The following KLF7 variants were observed in gnomAD, a reference collection of about 807,000 sequenced individuals.
KLF7 encodes Krueppel-like factor 7.
KLF7 carries 2 observed loss-of-function variants against 27.3 expected under a neutral mutation model. The ratio of observed to expected loss-of-function variants is 0.07; its 90% CI spans 0.03 to 0.23. The LOEUF (loss-of-function observed/expected upper bound fraction) is 0.23, where lower values mean the gene tolerates loss of function less well. Among genes scored for constraint, KLF7 ranks in the 10% least tolerant of loss-of-function variants. The pLI, the probability that KLF7 is intolerant of heterozygous loss-of-function variation, is 1.00. For synonymous variants in KLF7, 165 were observed against 162.4 expected (o/e 1.02, Z -0.12); for missense variants, 221 against 394.1 (o/e 0.56, Z 3.72).
At chr2:207,150,997 T>TAAAAAAAAAAA (rs34218929) in intron 1 of KLF7, among the ~76,000 whole-genome samples, 3 of 90,334 alleles carry the variant, frequency 3.3e-5, no homozygotes, top group African/African-American at 8.6e-5. Flanking sequence ...TTCTCTTTAT[T>TAAAAAAAAAAA]AAAAAAAAAA....
chr2:207,143,055 G>A (rs995641127), intron 1 of KLF7, among the ~76,000 whole-genome samples: 7 of 152,228 alleles, frequency 4.6e-5, no homozygotes, highest in Admixed American at 4.6e-4. Flanking sequence ...ATCATTCAAG[G>A]CATTTTCTTT....
chr2:207,169,423 A>C (rs1349093060), upstream of KLF7, among the ~76,000 whole-genome samples: 1 of 152,134 alleles, frequency 6.6e-6, no homozygotes, highest in Non-Finnish European at 1.5e-5. Flanking sequence ...TGTGATTAGT[A>C]CTCCTCAAAG....
At chr2:207,111,525 C>T (rs540439008) in intron 2 of KLF7, among the ~76,000 whole-genome samples, 112 of 152,298 alleles carry the variant, frequency 7.4e-4, no homozygotes, top group African/African-American at 2.4e-3. Flanking sequence ...CCATCAGATT[C>T]GTCCTTTCCA....
Position 207,086,688 on chromosome 2 carries a change from T to C in KLF7, c.857+1770A>G, listed in dbSNP as rs537462519. ...GATTAAATCCAAATACATCAACTGC[T>C]GGAAGGTTGTAAATCAATAAGTCAG... On this transcript the variant is annotated intron_variant, in intron 3 of 3. Transcript: ENST00000309446. 4.5e-4 allele frequency among the ~76,000 whole-genome samples: 69 copies of C among 152,374 alleles called. 1 individual carries two copies. The highest frequency in any genetic ancestry group is 1.6e-3 in the African/African-American group (67 of 41,580).
At chr2:207,084,657 T>C in intron 3 of KLF7, among the ~76,000 whole-genome samples, 1 of 152,214 alleles carries the variant, frequency 6.6e-6, no homozygotes, top group East Asian at 1.9e-4. Context: ...TAATTTATAC[T>C]TACTGAATTC....
chr2:207,099,537 T>C (rs2076707498), intron 2 of KLF7, among the ~76,000 whole-genome samples: 1 of 136,614 alleles, frequency 7.3e-6, no homozygotes. Flanking sequence ...AAGTTAACTT[T>C]CTGCTACATA....
intron 1 of KLF7, among the ~76,000 whole-genome samples, chr2:207,152,456 G>C (rs2078272808): frequency 6.6e-6 from 1 of 152,164 alleles, no homozygotes; most frequent in African/African-American, 2.4e-5. Context: ...CTTAGACCAA[G>C]AGGCTGCATG....
At chr2:207,140,296 T>C (rs1412944519) in intron 1 of KLF7, among the ~76,000 whole-genome samples, 1 of 152,174 alleles carries the variant, frequency 6.6e-6, no homozygotes, top group East Asian at 1.9e-4. Context: ...TTATATAATT[T>C]TTAAAGGGGG....
In KLF7 at chr2:207,077,171, GTT is replaced by G. The variant is rs2076190045; in HGVS notation, c.*4040_*4041del. ...TTGAACCATCAAAACGAGTCACTGG[GTT>G]TTGTTCTTGCAACTTGAGTTTCTTT... On this transcript the variant is annotated 3_prime_UTR_variant, in exon 4 of 4. Coordinates refer to ENST00000309446, the MANE Select transcript of KLF7 (RefSeq NM_003709.4). 6.6e-6 allele frequency: 1 copy of G among 152,144 alleles called. No individual in the cohort carries two copies. The highest frequency in any genetic ancestry group is 1.5e-5 in the Non-Finnish European group (1 of 68,024). 9.4% of individuals were successfully genotyped at this position (152,144 alleles called of 1,614,324 possible).
In KLF7 at chr2:207,134,294, CTTG is replaced by C. The variant is rs928628167; in HGVS notation, c.103-9893_103-9891del. On this transcript the variant is annotated intron_variant, in intron 1 of 3. Transcript: ENST00000309446. ...AACACACAGACACATACGATTACTT[CTTG>C]TACTCCAAAGCACAGCTGCACACGT... Among the ~76,000 whole-genome samples the C allele has an allele frequency of 6.6e-5, 10 of 151,480 alleles. No homozygotes were observed. In the South Asian group the frequency reaches 2.1e-3, roughly 32 times the overall value.
At chr2:207,082,104 GTGGTCATCTTC>G (rs2076286400) in intron 3 of KLF7, among the ~76,000 whole-genome samples, 2 of 152,146 alleles carry the variant, frequency 1.3e-5, no homozygotes, top group African/African-American at 4.8e-5. Flanking sequence ...AGTGGATCCA[GTGGTCATCTTC>G]TTTCCTCTTT....
intron 1 of KLF7, among the ~76,000 whole-genome samples, chr2:207,139,017 G>A (rs1208835474): frequency 6.6e-6 from 1 of 152,184 alleles, no homozygotes; most frequent in Non-Finnish European, 1.5e-5. Context: ...TAACAACTAT[G>A]TGAATGAGAG....
At chr2:207,120,719 G>GT (rs1307450223) in intron 2 of KLF7, among the ~76,000 whole-genome samples, 1 of 152,182 alleles carries the variant, frequency 6.6e-6, no homozygotes, top group Non-Finnish European at 1.5e-5. Context: ...TCCAGTCCTT[G>GT]TATCAGCAGC....
At chr2:207,093,118 AT>A (rs1294909842) in intron 2 of KLF7, among the ~76,000 whole-genome samples, 1 of 152,154 alleles carries the variant, frequency 6.6e-6, no homozygotes, top group Non-Finnish European at 1.5e-5. Context: ...TAGTCTATAT[AT>A]TTCCATATAA....
At chr2:207,099,824 T>C (rs372696828) in intron 2 of KLF7, among the ~76,000 whole-genome samples, 13 of 152,186 alleles carry the variant, frequency 8.5e-5, no homozygotes, top group African/African-American at 3.1e-4. Context: ...GGCAATGTTA[T>C]CAATCTTCAA....
intron 1 of KLF7, among the ~76,000 whole-genome samples, chr2:207,141,771 AAC>A (rs2077949401): frequency 6.6e-6 from 1 of 152,164 alleles, no homozygotes. Context: ...AAAAGAAAAA[AAC>A]AGAGGCATAT....
At chr2:207,167,447 C>T (rs1400768299), upstream of KLF7, among the ~76,000 whole-genome samples, 1 of 152,170 alleles carries the variant, frequency 6.6e-6, no homozygotes, top group African/African-American at 2.4e-5. Flanking sequence ...AATCACCCTC[C>T]TTGTCTTTCC....
At chr2:207,099,116 A>G (rs2076697722) in intron 2 of KLF7, among the ~76,000 whole-genome samples, 1 of 152,200 alleles carries the variant, frequency 6.6e-6, no homozygotes, top group African/African-American at 2.4e-5. Context: ...AATGCAGTCA[A>G]TTCCAGAGGT....
upstream of KLF7, among the ~76,000 whole-genome samples, chr2:207,171,834 GAT>G (rs775618004): frequency 2.0e-5 from 3 of 152,106 alleles, no homozygotes; most frequent in Non-Finnish European, 4.4e-5. Flanking sequence ...ACTTTATTGT[GAT>G]ATTTGCTTTA....
Sources: gnomAD v4.1 joint callset for allele counts (sites outside exome capture counted in the v4.1 genomes callset) on GRCh38, gnomAD v4.1.1 for gene constraint, MANE v1.5 for transcripts, NCBI Gene and HGNC (gene_info 2026-07-23, HGNC 2026-07-21) for gene names.